The following PDE3B variants were observed in gnomAD, a reference collection of about 807,000 sequenced individuals.
The protein encoded by PDE3B is cGMP-inhibited 3',5'-cyclic phosphodiesterase 3B.
PDE3B carries 66 observed loss-of-function variants against 116.8 expected under a neutral mutation model. That is an observed-to-expected ratio of 0.56 (90% CI 0.46 to 0.69). The LOEUF is 0.69. Ranked by LOEUF, PDE3B falls within the 30% of genes least tolerant of loss-of-function variation. PDE3B has a pLI of 0.00. For synonymous variants in PDE3B, 595 were observed against 533.6 expected, an observed-to-expected ratio of 1.12 and a Z score of -1.59; for missense variants, 1,384 against 1,368.1, an observed-to-expected ratio of 1.01 and a Z score of -0.18.
the PDE3B span, among the ~76,000 whole-genome samples, chr11:14,896,515 T>C: frequency 2.0e-5 from 3 of 152,204 alleles, no homozygotes; most frequent in Admixed American, 1.3e-4. Context: ...TTTTCAAACA[T>C]TACTATGTTT....
At chr11:14,895,167 G>A in the PDE3B span, among the ~76,000 whole-genome samples, 1 of 152,230 alleles carries the variant, frequency 6.6e-6, no homozygotes, top group African/African-American at 2.4e-5. Context: ...CCTGGGCCGT[G>A]GGAGTTGTCC....
intron 1 of PDE3B, among the ~76,000 whole-genome samples, chr11:14,680,479 C>T (rs1255486179): frequency 6.6e-6 from 1 of 152,110 alleles, no homozygotes; most frequent in Non-Finnish European, 1.5e-5. Flanking sequence ...GGTTCACTGC[C>T]TTCATTGGAT....
At chr11:14,750,671 ATAT>A (rs530426340) in intron 1 of PDE3B, among the ~76,000 whole-genome samples, 237 of 152,246 alleles carry the variant, frequency 1.6e-3, no homozygotes, top group Admixed American at 4.7e-3. Context: ...GCTTTTAAGA[ATAT>A]TATTTTGAAA....
chr11:14,680,545 C>G (rs534193164), intron 1 of PDE3B, among the ~76,000 whole-genome samples: 1 of 152,254 alleles, frequency 6.6e-6, no homozygotes, highest in Non-Finnish European at 1.5e-5. Context: ...TGTCTCATGG[C>G]TAGAGTTCCA....
chr11:14,661,081 G>A (rs1038269592), intron 1 of PDE3B, among the ~76,000 whole-genome samples: 1 of 152,182 alleles, frequency 6.6e-6, no homozygotes, highest in Non-Finnish European at 1.5e-5. Flanking sequence ...GGGACTATAA[G>A]TAGTTCAACC....
At chr11:14,672,194 T>C (rs941643736) in intron 1 of PDE3B, among the ~76,000 whole-genome samples, 18 of 151,780 alleles carry the variant, frequency 1.2e-4, no homozygotes, top group Middle Eastern at 3.2e-3. Context: ...ATCCCTTTTC[T>C]TATTATTTTA....
chr11:14,689,886 A>C (rs1172588573), intron 1 of PDE3B, among the ~76,000 whole-genome samples: 1 of 152,202 alleles, frequency 6.6e-6, no homozygotes, highest in African/African-American at 2.4e-5. Flanking sequence ...CATTTCTTTC[A>C]TTCTGACTTA....
intron 1 of PDE3B, among the ~76,000 whole-genome samples, chr11:14,698,108 A>T (rs1007935132): frequency 6.6e-6 from 1 of 151,880 alleles, no homozygotes; most frequent in African/African-American, 2.4e-5. Flanking sequence ...AATCTAATAA[A>T]TAGATTGGTA....
intron 1 of PDE3B, among the ~76,000 whole-genome samples, chr11:14,689,710 A>G (rs1854992821): frequency 6.6e-6 from 1 of 152,176 alleles, no homozygotes; most frequent in Non-Finnish European, 1.5e-5. Flanking sequence ...CAGTGAAGAA[A>G]AGAGGTTCAG....
intron 1 of PDE3B, among the ~76,000 whole-genome samples, chr11:14,681,870 C>A (rs773399514): frequency 6.6e-6 from 1 of 152,142 alleles, no homozygotes; most frequent in Non-Finnish European, 1.5e-5. Flanking sequence ...GTTAGGGGTG[C>A]TGACCCCTGA....
intron 1 of PDE3B, among the ~76,000 whole-genome samples, chr11:14,737,906 A>C (rs1031980861): frequency 2.0e-5 from 3 of 151,912 alleles, no homozygotes; most frequent in Non-Finnish European, 2.9e-5. Context: ...ACTGAGAATG[A>C]TGATTTCCAA....
At chr11:14,735,169 T>C (rs1856563921) in intron 1 of PDE3B, among the ~76,000 whole-genome samples, 1 of 152,186 alleles carries the variant, frequency 6.6e-6, no homozygotes, top group Non-Finnish European at 1.5e-5. Flanking sequence ...GAATGGGCAT[T>C]GGACCCATAC....
the PDE3B span, among the ~76,000 whole-genome samples, chr11:14,890,229 AAGACTC>A: frequency 6.6e-6 from 1 of 152,128 alleles, no homozygotes; most frequent in African/African-American, 2.4e-5. Context: ...AGAAAAAAAA[AAGACTC>A]AGAATAGAGG....
At chr11:14,895,414 A>C in the PDE3B span, among the ~76,000 whole-genome samples, 35 of 152,204 alleles carry the variant, frequency 2.3e-4, no homozygotes, top group Admixed American at 2.3e-3. Context: ...TTTTGATTTT[A>C]AACTGTTGCA....
chr11:14,691,866 A>C (rs553356513), intron 1 of PDE3B, among the ~76,000 whole-genome samples: 1 of 152,178 alleles, frequency 6.6e-6, no homozygotes, highest in Non-Finnish European at 1.5e-5. Flanking sequence ...GTGTATTTAG[A>C]AAACTATTTT....
chr11:14,842,305 T>G (rs756386438), intron 11 of PDE3B, among the ~76,000 whole-genome samples: 1 of 152,236 alleles, frequency 6.6e-6, no homozygotes, highest in Admixed American at 6.5e-5. Flanking sequence ...TTTTTTGTAC[T>G]GTTATTTTTT....
At chr11:14,721,346 C>T (rs1319677875) in intron 1 of PDE3B, among the ~76,000 whole-genome samples, 5 of 151,840 alleles carry the variant, frequency 3.3e-5, no homozygotes, top group Non-Finnish European at 7.4e-5. Context: ...CTAGTACAAC[C>T]ATTGTGGAAG....
chr11:14,667,979 C>T lies in PDE3B; in HGVS notation c.978+22926C>T, dbSNP rs183351327. ...TTTGCTGAAGTATTTAAATAATTTTCAGACATTATAAAAAGAAATACATTT... is the reference window on the plus strand; with the variant it reads ...TTTGCTGAAGTATTTAAATAATTTTTAGACATTATAAAAAGAAATACATTT... On this transcript the variant is annotated intron_variant, in intron 1 of 15. Transcript: ENST00000282096. Among the ~76,000 whole-genome samples, 211 of 150,936 alleles carry T rather than the reference C, an allele frequency of 1.4e-3. 1 individual carries two copies. The highest frequency in any genetic ancestry group is 3.4e-3 in the Middle Eastern group (1 of 292).
chr11:14,676,333 C>T (rs1241007201), intron 1 of PDE3B, among the ~76,000 whole-genome samples: 1 of 152,142 alleles, frequency 6.6e-6, no homozygotes, highest in Non-Finnish European at 1.5e-5. Flanking sequence ...TACTCCACAC[C>T]TAGGCTATAT....
Sources: allele counts gnomAD v4.1 joint callset (sites outside exome capture counted in the v4.1 genomes callset), GRCh38; gene constraint gnomAD v4.1.1; transcripts MANE v1.5; gene names NCBI Gene and HGNC (gene_info 2026-07-23, HGNC 2026-07-21).